The following DDAH1 variants were observed in gnomAD, a reference collection of about 807,000 sequenced individuals.
DDAH1 encodes dimethylarginine dimethylaminohydrolase 1.
In DDAH1, 19 loss-of-function variants were observed where a neutral mutation model predicts 28.8. The ratio of observed to expected loss-of-function variants is 0.66; its 90% CI spans 0.46 to 0.97. The LOEUF is 0.97. Ranked by LOEUF, DDAH1 falls within the 50% of genes least tolerant of loss-of-function variation. DDAH1 has a pLI of 0.00. For missense variants in DDAH1, 326 were observed against 375.9 expected, an observed-to-expected ratio of 0.87 and a Z score of 1.10; for synonymous variants, 153 against 154.4, an observed-to-expected ratio of 0.99 and a Z score of 0.07.
Position 85,321,826 on chromosome 1 carries a change from C to T in DDAH1, c.742-258G>A, listed in dbSNP as rs1257509336. 3.9e-5 allele frequency among the ~76,000 whole-genome samples: 6 copies of T among 152,202 alleles called. No individual in the cohort carries two copies. The South Asian group carries it at 1.0e-3, about 26-fold the overall frequency. On this transcript the variant is annotated intron_variant, in intron 5 of 5. Coordinates refer to ENST00000284031, the MANE Select transcript of DDAH1 (RefSeq NM_012137.4). The stretch of plus-strand genomic sequence containing the variant: ...TTTTGCTAGAGATGCCTTTACTCTG[C>T]CATTGTCATTGCTAGATTAAGTGGT...
At position 85,552,558 on chromosome 1, in the gene DDAH1, T is replaced by G. The variant is rs115912033; in HGVS notation, c.-123+25426A>C. Among the ~76,000 whole-genome samples the G allele has an allele frequency of 3.6e-3, 552 of 152,322 alleles. 4 individuals are homozygous for G. The highest frequency in any genetic ancestry group is 0.012 in the African/African-American group (519 of 41,576). ...GAAGCTCCCTTAATTCTTCTCATCATCATTATATCTTCCTCTGACCCATAT... is the reference window on the plus strand; with the variant it reads ...GAAGCTCCCTTAATTCTTCTCATCAGCATTATATCTTCCTCTGACCCATAT... On this transcript the variant is annotated intron_variant, in intron 1 of 6. Transcript: ENST00000426972.
intron 1 of DDAH1, among the ~76,000 whole-genome samples, chr1:85,458,004 T>G (rs1654971541): frequency 7.6e-6 from 1 of 131,434 alleles, no homozygotes; most frequent in East Asian, 2.1e-4. Context: ...CGTCTTTTAA[T>G]AAAGGCAAAG....
chr1:85,546,145 C>A (rs76148099), intron 1 of DDAH1, among the ~76,000 whole-genome samples: 17,147 of 148,588 alleles, frequency 0.12, 1,036 homozygotes, highest in East Asian at 0.16. Flanking sequence ...AAAAAAAAAA[C>A]ATGCGTTGGA....
Position 85,324,272 on chromosome 1 carries a change from A to AAAAAATAATAATAATAATAATAAT in DDAH1, c.741+467_741+468insATTATTATTATTATTATTATTTTT. 2.8e-5 allele frequency among the ~76,000 whole-genome samples: 4 copies of AAAAAATAATAATAATAATAATAAT among 142,264 alleles called. No homozygotes were observed. In the South Asian group the frequency reaches 9.0e-4, roughly 32 times the overall value. The allele number at this position is 142,264 out of a possible 152,430, so 93.3% of individuals were successfully genotyped here. On this transcript the variant is annotated intron_variant, in intron 5 of 5. Transcript: ENST00000284031. ...GTAACAGAGTGAGACCCTGTCTCAA[A>AAAAAATAATAATAATAATAATAAT]AATAATAATAATAATAATAATAATA...
chr1:85,510,617 A>G (rs913033087), intron 1 of DDAH1, among the ~76,000 whole-genome samples: 3 of 152,176 alleles, frequency 2.0e-5, no homozygotes, highest in African/African-American at 7.2e-5. Flanking sequence ...CTCACCTGCA[A>G]AGATGCACAT....
intron 1 of DDAH1, among the ~76,000 whole-genome samples, chr1:85,441,111 T>C (rs1226101458): frequency 6.6e-6 from 1 of 152,216 alleles, no homozygotes; most frequent in Non-Finnish European, 1.5e-5. Flanking sequence ...CAGATGCAGA[T>C]AATAACAGAA....
chr1:85,501,770 C>T lies in DDAH1; in HGVS notation c.-122-5489G>A, dbSNP rs559331584. ...TTTCAACGTCTGAAAACAGTTGCTC[C>T]ATATATTTTGTCCAGTTTTACAGCT... is the stretch of plus-strand genomic sequence containing the variant. On this transcript the variant is annotated intron_variant, in intron 1 of 6. Coordinates refer to the DDAH1 transcript ENST00000426972. Among the ~76,000 whole-genome samples the T allele has an allele frequency of 5.9e-4, 89 of 152,136 alleles. 3 individuals are homozygous for T. Among genetic ancestry groups the T allele is most frequent in the Non-Finnish European group, 2.6e-4 (18 of 68,016 alleles).
At chr1:85,360,907 C>T (rs1464001863) in intron 1 of DDAH1, among the ~76,000 whole-genome samples, 1 of 152,134 alleles carries the variant, frequency 6.6e-6, no homozygotes, top group Non-Finnish European at 1.5e-5. Flanking sequence ...TGTGCAGGGG[C>T]AGTACTTAAA....
chr1:85,423,848 A>G (rs1427054117), intron 1 of DDAH1, among the ~76,000 whole-genome samples: 1 of 152,132 alleles, frequency 6.6e-6, no homozygotes, highest in Non-Finnish European at 1.5e-5. Flanking sequence ...CAGAGAGGAA[A>G]TCCTTGCTTT....
chr1:85,435,769 A>T (rs1653903711), intron 1 of DDAH1, among the ~76,000 whole-genome samples: 1 of 152,100 alleles, frequency 6.6e-6, no homozygotes, highest in East Asian at 1.9e-4. Flanking sequence ...ATTGTGCTGG[A>T]CCACTTATAT....
intron 2 of DDAH1, among the ~76,000 whole-genome samples, chr1:85,352,269 GGT>G (rs1649257993): frequency 6.6e-6 from 1 of 151,956 alleles, no homozygotes; most frequent in South Asian, 2.1e-4. Flanking sequence ...AGCAAGTGTG[GGT>G]GTGTGTGGGT....
intron 4 of DDAH1, among the ~76,000 whole-genome samples, chr1:85,338,738 C>G (rs1648284211): frequency 6.6e-6 from 1 of 152,084 alleles, no homozygotes; most frequent in African/African-American, 2.4e-5. Context: ...CTAACTTACA[C>G]TATTCAAATT....
intron 1 of DDAH1, chr1:85,399,173 A>G (rs1651951664): frequency 1.3e-5 from 2 of 152,184 alleles, no homozygotes; most frequent in South Asian, 4.1e-4. Flanking sequence ...TAGATAAAGG[A>G]GCATACTCCA....
Position 85,464,330 on chromosome 1 carries a change from A to G in DDAH1, c.303+413T>C, listed in dbSNP as rs1655253037. On this transcript the variant is annotated intron_variant, in intron 1 of 5. Coordinates refer to ENST00000284031, the MANE Select transcript of DDAH1 (RefSeq NM_012137.4). The surrounding 1 kb of genome is among the most constrained non-coding windows in gnomAD (Gnocchi z 4.4). ...AGGACTTGGGGGCTTCGGTGTCACG[A>G]CTGGCGCTGCCCCCTGGAGGGACGC... 6.6e-6 allele frequency among the ~76,000 whole-genome samples: 1 copy of G among 152,132 alleles called. No homozygotes were observed. The highest frequency in any genetic ancestry group is 6.5e-5 in the Admixed American group (1 of 15,284).
At chr1:85,393,880 T>C (rs1221127844) in intron 1 of DDAH1, among the ~76,000 whole-genome samples, 5 of 152,182 alleles carry the variant, frequency 3.3e-5, no homozygotes, top group Admixed American at 6.5e-5. Flanking sequence ...AGGAGATTGA[T>C]AATCTAAAGA....
intron 1 of DDAH1, among the ~76,000 whole-genome samples, chr1:85,564,345 CAAAG>C (rs1482245791): frequency 6.6e-6 from 1 of 152,006 alleles, no homozygotes; most frequent in Non-Finnish European, 1.5e-5. Context: ...AAGTAAAAAA[CAAAG>C]AGAGTTCCAG....
intron 1 of DDAH1, among the ~76,000 whole-genome samples, chr1:85,368,242 C>T (rs1650178418): frequency 6.6e-6 from 1 of 152,192 alleles, no homozygotes; most frequent in Non-Finnish European, 1.5e-5. Flanking sequence ...TATTTCAACA[C>T]TCTTCATCTC....
chr1:85,324,823 C>T lies in DDAH1; in HGVS notation c.658G>A (p.Ala220Thr). 2 of 1,614,088 alleles carry T rather than the reference C, an allele frequency of 1.2e-6. No homozygotes were observed. Among genetic ancestry groups the T allele is most frequent in the Non-Finnish European group, 1.7e-6 (2 of 1,180,012 alleles). ...GGGATATTTAGATATATACAGTTTG[C>T]TGCTATGTCATCAGGCACAGTGAGT... The part of the protein sequence containing the change: ...DKLTVPDDIA[A>T]NCIYLNIPNK... Residue 220 changes from alanine (A) to threonine (T), a missense_variant, in exon 5 of 6, where the codon GCA (alanine) becomes ACA (threonine). Ala to Thr is a moderately conservative substitution (Grantham distance 58, BLOSUM62 0). Coordinates refer to ENST00000284031, the MANE Select transcript of DDAH1 (RefSeq NM_012137.4).
chr1:85,540,984 T>C (rs887586338), intron 1 of DDAH1, among the ~76,000 whole-genome samples: 1 of 130,014 alleles, frequency 7.7e-6, no homozygotes, highest in Admixed American at 7.6e-5. Context: ...AAAAAAAAAA[T>C]GTATATCTAT....
Sources: allele counts gnomAD v4.1 joint callset (sites outside exome capture counted in the v4.1 genomes callset), GRCh38; gene constraint gnomAD v4.1.1; non-coding constraint Gnocchi (gnomAD v3.1); transcripts MANE v1.5; gene names NCBI Gene and HGNC (gene_info 2026-07-23, HGNC 2026-07-21).